Variants in ZSCAN23 observed in about 807,000 individuals in gnomAD.
The protein encoded by ZSCAN23 is zinc finger and SCAN domain containing 23.
In ZSCAN23, 19 loss-of-function variants were observed where a neutral mutation model predicts 19.3. The observed-to-expected ratio is 0.99, with a 90% CI of 0.69 to 1.45. ZSCAN23 has a LOEUF of 1.45. Ranked by LOEUF, ZSCAN23 falls within the 40% of genes most tolerant of loss-of-function variation. The pLI, the probability that ZSCAN23 is intolerant of heterozygous loss-of-function variation, is 0.00. For missense variants in ZSCAN23, 372 were observed against 462.5 expected (o/e 0.80, Z 1.79); for synonymous variants, 140 against 166.2 (o/e 0.84, Z 1.21).
rs1373205125 is a variant in ZSCAN23 at position 28,434,511 on chromosome 6, T to C, written c.1124A>G (p.Asn375Ser). The C allele has an allele frequency of 1.9e-6, 3 of 1,551,776 alleles. No homozygotes were observed. The highest frequency in any genetic ancestry group is 2.6e-6 in the Non-Finnish European group (3 of 1,146,840). ...ECGKNFIYHCNLIQHRKVHPV... is the reference protein window; with the variant it reads ...ECGKNFIYHCSLIQHRKVHPV... ...GTGGACTTTCCGATGCTGGATTAGG[T>C]TGCAATGGTAAATGAAGTTCTTGCC... Residue 375 changes from asparagine to serine, a missense_variant, in exon 4 of 4, where the codon AAC (asparagine) becomes AGC (serine). Coordinates refer to ENST00000289788, the MANE Select transcript of ZSCAN23 (RefSeq NM_001012455.2).
downstream of ZSCAN23, among the ~76,000 whole-genome samples, chr6:28,429,654 T>C (rs1761719988): frequency 6.6e-6 from 1 of 152,130 alleles, no homozygotes; most frequent in Non-Finnish European, 1.5e-5. Context: ...CCTAGCTCTG[T>C]ACAGCGCTTT....
At chr6:28,440,483 CT>C (rs1437594711) in intron 1 of ZSCAN23, among the ~76,000 whole-genome samples, 1 of 152,124 alleles carries the variant, frequency 6.6e-6, no homozygotes, top group Non-Finnish European at 1.5e-5. Flanking sequence ...GAAACATGAT[CT>C]GCTGAATTGG....
Position 28,436,215 on chromosome 6 carries a change from C to A in ZSCAN23, c.52G>T (p.Ala18Ser). 1.3e-6 allele frequency: 2 copies of A among 1,552,410 alleles called. No individual in the cohort carries two copies. The highest frequency in any genetic ancestry group is 1.7e-6 in the Non-Finnish European group (2 of 1,147,328). The change falls in exon 2 of 4, where the codon GCA (alanine) becomes TCA (serine). Residue 18 changes from alanine (A) to serine (S), a missense_variant. Coordinates refer to ENST00000289788, the MANE Select transcript of ZSCAN23 (RefSeq NM_001012455.2). ...QTAEMQEGLL[A>S]VKVKEEEEEH... ...TCCTCTTCCTCCTTTACCTTCACTGCCAGAAGTCCTTCCTGCATCTCTGCA... is the reference window on the plus strand; with the variant it reads ...TCCTCTTCCTCCTTTACCTTCACTGACAGAAGTCCTTCCTGCATCTCTGCA...
At chr6:28,425,968 T>G in the ZSCAN23 span, among the ~76,000 whole-genome samples, 198 of 152,328 alleles carry the variant, frequency 1.3e-3, 6 homozygotes, top group South Asian at 0.035. Flanking sequence ...CTCTGCTAGC[T>G]TCTAACTTTT....
At chr6:28,442,107 C>T (rs965766943) in intron 1 of ZSCAN23, among the ~76,000 whole-genome samples, 1 of 152,000 alleles carries the variant, frequency 6.6e-6, no homozygotes, top group Non-Finnish European at 1.5e-5. Flanking sequence ...GAACTCCCGA[C>T]CTCACGTGAT....
At chr6:28,443,026 C>T (rs1449757210) in intron 1 of ZSCAN23, among the ~76,000 whole-genome samples, 1 of 152,176 alleles carries the variant, frequency 6.6e-6, no homozygotes, top group African/African-American at 2.4e-5. Context: ...TTAAAACTAT[C>T]CCTGCTCATT....
At position 28,433,649 on chromosome 6, in the gene ZSCAN23, C is replaced by A. The variant is rs915125352; in HGVS notation, c.*816G>T. 2 of 151,980 alleles carry A rather than the reference C, an allele frequency of 1.3e-5. No individual in the cohort carries two copies. The highest frequency in any genetic ancestry group is 4.8e-5 in the African/African-American group (2 of 41,386). 9.4% of individuals were successfully genotyped at this position (151,980 alleles called of 1,614,324 possible). ...AAAACAATCAACATGAAAGAGTGATCATACTCTTCTCTTCAATCTTGAATA... is the reference window on the plus strand; with the variant it reads ...AAAACAATCAACATGAAAGAGTGATAATACTCTTCTCTTCAATCTTGAATA... On this transcript the variant is annotated 3_prime_UTR_variant, in exon 4 of 4. Coordinates refer to ENST00000289788, the MANE Select transcript of ZSCAN23 (RefSeq NM_001012455.2).
chr6:28,429,514 C>A (rs1761716615), downstream of ZSCAN23, among the ~76,000 whole-genome samples: 1 of 152,088 alleles, frequency 6.6e-6, no homozygotes, highest in African/African-American at 2.4e-5. Context: ...GTTAAAACGG[C>A]CGTAGGATTC....
At chr6:28,439,313 T>C (rs2114039327) in intron 1 of ZSCAN23, among the ~76,000 whole-genome samples, 1 of 152,184 alleles carries the variant, frequency 6.6e-6, no homozygotes, top group East Asian at 1.9e-4. Flanking sequence ...GGTTTCGAAC[T>C]CCTGACCTCG....
rs1350913116 is a variant in ZSCAN23, at chr6:28,435,457, C to T, written c.556+3G>A. 6.4e-7 allele frequency: 1 copy of T among 1,550,494 alleles called. No homozygotes were observed. Among genetic ancestry groups the T allele is most frequent in the Admixed American group, 2.0e-5 (1 of 50,658 alleles). On this transcript the variant is annotated splice_donor_region_variant and intron_variant, in intron 3 of 3. Transcript: ENST00000289788. ...GGCTGTCTGAGGAAATCCTGATCCT[C>T]ACCAATCTCTTGAACTGGGCACACC... is the stretch of plus-strand genomic sequence containing the variant.
downstream of ZSCAN23, among the ~76,000 whole-genome samples, chr6:28,428,076 A>G (rs1761692365): frequency 6.6e-6 from 1 of 151,890 alleles, no homozygotes; most frequent in African/African-American, 2.4e-5. Flanking sequence ...AACTCCATCA[A>G]AAAAAAATGT....
At chr6:28,423,028 G>A in the ZSCAN23 span, among the ~76,000 whole-genome samples, 2 of 152,162 alleles carry the variant, frequency 1.3e-5, no homozygotes, top group African/African-American at 2.4e-5. Flanking sequence ...CACTATTTGC[G>A]TTGGGACACT....
chr6:28,440,662 C>T (rs938489148), intron 1 of ZSCAN23, among the ~76,000 whole-genome samples: 9 of 152,110 alleles, frequency 5.9e-5, no homozygotes, highest in African/African-American at 2.2e-4. Context: ...TTCTTATTTA[C>T]CACCTGTGCC....
the ZSCAN23 span, among the ~76,000 whole-genome samples, chr6:28,423,375 A>ATT: frequency 2.0e-5 from 3 of 152,156 alleles, no homozygotes; most frequent in African/African-American, 7.2e-5. Flanking sequence ...CTGATAAGAC[A>ATT]TTTCTTCATT....
downstream of ZSCAN23, among the ~76,000 whole-genome samples, chr6:28,428,472 T>C (rs983087118): frequency 6.6e-6 from 1 of 152,202 alleles, no homozygotes; most frequent in African/African-American, 2.4e-5. Context: ...TCTCAGTACC[T>C]TTTCTTTCTC....
At chr6:28,438,415 G>A (rs1761935932) in intron 1 of ZSCAN23, among the ~76,000 whole-genome samples, 1 of 152,146 alleles carries the variant, frequency 6.6e-6, no homozygotes, top group Non-Finnish European at 1.5e-5. Context: ...CTATTCTTAA[G>A]GTGTTGACAT....
chr6:28,428,031 G>A (rs1242368737), downstream of ZSCAN23, among the ~76,000 whole-genome samples: 1 of 152,150 alleles, frequency 6.6e-6, no homozygotes, highest in South Asian at 2.1e-4. Context: ...AGCTGAGGTT[G>A]AGCCATTGCA....
the ZSCAN23 span, among the ~76,000 whole-genome samples, chr6:28,424,248 T>TA: frequency 7.2e-5 from 11 of 152,172 alleles, no homozygotes; most frequent in African/African-American, 2.4e-4. Context: ...GTAGCATGTC[T>TA]AAAAAATGCA....
intron 1 of ZSCAN23, among the ~76,000 whole-genome samples, chr6:28,440,371 C>G (rs1196379242): frequency 6.6e-6 from 1 of 152,166 alleles, no homozygotes; most frequent in Non-Finnish European, 1.5e-5. Context: ...TTCCATTTAA[C>G]ACAAAAGCAT....
Sources: gnomAD v4.1 joint callset for allele counts (sites outside exome capture counted in the v4.1 genomes callset) on GRCh38, gnomAD v4.1.1 for gene constraint, MANE v1.5 for transcripts, NCBI Gene and HGNC (gene_info 2026-07-23, HGNC 2026-07-21) for gene names.